The following HSD17B2 variants were observed in gnomAD, a reference collection of about 807,000 sequenced individuals.
HSD17B2 encodes the protein hydroxysteroid 17-beta dehydrogenase 2, also known as 17-beta-hydroxysteroid dehydrogenase type 2.
In HSD17B2, 32 loss-of-function variants were observed where a neutral mutation model predicts 26.9. The observed-to-expected ratio is 1.19, with a 90% CI of 0.90 to 1.60. The LOEUF (loss-of-function observed/expected upper bound fraction) is 1.60, where lower values mean the gene tolerates loss of function less well. Ranked by LOEUF, HSD17B2 falls within the 40% of genes most tolerant of loss-of-function variation. HSD17B2 has a pLI of 0.00. For synonymous variants in HSD17B2, 246 were observed against 186.7 expected (o/e 1.32, Z -2.59); for missense variants, 613 against 468.6 (o/e 1.31, Z -2.85).
chr16:82,039,661 C>T (rs1007493892), intron 1 of HSD17B2, among the ~76,000 whole-genome samples: 12 of 152,198 alleles, frequency 7.9e-5, no homozygotes, highest in South Asian at 2.1e-4. Flanking sequence ...TGAGGTTACA[C>T]GTTGTCCTTC....
intron 1 of HSD17B2, among the ~76,000 whole-genome samples, chr16:82,036,463 A>C (rs1354069644): frequency 6.6e-6 from 1 of 151,816 alleles, no homozygotes; most frequent in African/African-American, 2.4e-5. Context: ...AATTAGGATT[A>C]TCCAGCGTTA....
At chr16:82,036,471 T>C (rs1461649011) in intron 1 of HSD17B2, among the ~76,000 whole-genome samples, 3 of 151,812 alleles carry the variant, frequency 2.0e-5, no homozygotes, top group Non-Finnish European at 2.9e-5. Context: ...TTATCCAGCG[T>C]TATCCTAACC....
At chr16:82,066,813 T>C (rs1318702285) in intron 1 of HSD17B2, among the ~76,000 whole-genome samples, 2 of 152,242 alleles carry the variant, frequency 1.3e-5, no homozygotes. Context: ...TGTCAATAGT[T>C]CTATTCCATC....
At chr16:82,037,336 A>T (rs1009933346) in intron 1 of HSD17B2, among the ~76,000 whole-genome samples, 5 of 152,226 alleles carry the variant, frequency 3.3e-5, no homozygotes, top group African/African-American at 1.2e-4. Context: ...AGGCCTCAAG[A>T]CCTTTGTATG....
chr16:82,035,807 C>G (rs898505515), intron 1 of HSD17B2, 118 bp downstream of exon 1: 1 of 1,075,646 alleles, frequency 9.3e-7, no homozygotes, highest in Non-Finnish European at 1.3e-6. Context: ...TAAATGAAAG[C>G]CCTCACCCAA....
Position 82,035,385 on chromosome 16 carries a change from A to G in HSD17B2, c.-40A>G. 3 of 1,585,500 alleles carry G rather than the reference A, an allele frequency of 1.9e-6. No individual in the cohort carries two copies. The highest frequency in any genetic ancestry group is 2.6e-6 in the Non-Finnish European group (3 of 1,163,550). ...CAGCCAGCCTTTGCCCGCTAGACTC[A>G]CTGGCCCTGAGCACTTGAAGGTGCA... On this transcript the variant is annotated 5_prime_UTR_variant, in exon 1 of 5. Transcript: ENST00000199936.
intron 4 of HSD17B2, chr16:82,093,709 A>G (rs1384022121): frequency 2.6e-5 from 4 of 152,232 alleles, no homozygotes; most frequent in Admixed American, 6.5e-5. Context: ...TCTGTAGAGT[A>G]AAGTGAAAGC....
chr16:82,079,256 A>C (rs1904324497), intron 3 of HSD17B2, among the ~76,000 whole-genome samples: 1 of 152,246 alleles, frequency 6.6e-6, no homozygotes, highest in Non-Finnish European at 1.5e-5. Context: ...CCATAAGAAA[A>C]TACCACAGAC....
chr16:82,096,040 T>G (rs1016077779), intron 4 of HSD17B2: 1 of 152,136 alleles, frequency 6.6e-6, no homozygotes, highest in Non-Finnish European at 1.5e-5. Flanking sequence ...GTAAATAAAT[T>G]ATTTAATTTT....
At chr16:82,088,949 TGAGAGA>T (rs1453542158) in intron 3 of HSD17B2, among the ~76,000 whole-genome samples, 1 of 152,186 alleles carries the variant, frequency 6.6e-6, no homozygotes, top group African/African-American at 2.4e-5. Flanking sequence ...ACCAATTGTC[TGAGAGA>T]AAGAATAAAT....
At chr16:82,048,006 C>G (rs893561536) in intron 1 of HSD17B2, among the ~76,000 whole-genome samples, 1 of 152,168 alleles carries the variant, frequency 6.6e-6, no homozygotes, top group African/African-American at 2.4e-5. Context: ...AATATTATAT[C>G]TTTTGTTTGA....
At chr16:82,090,305 T>TTG in intron 3 of HSD17B2, 1 of 158,120 alleles carries the variant, frequency 6.3e-6, no homozygotes, top group Non-Finnish European at 8.8e-6. Context: ...CTACATTGTT[T>TTG]TTTTTTTTTT....
intron 1 of HSD17B2, among the ~76,000 whole-genome samples, chr16:82,041,418 G>T (rs564164723): frequency 3.7e-4 from 57 of 152,326 alleles, no homozygotes; most frequent in African/African-American, 1.2e-3. Context: ...GAGTGACATG[G>T]CTGAGCTGTT....
intron 1 of HSD17B2, among the ~76,000 whole-genome samples, chr16:82,040,669 A>G (rs1294493780): frequency 2.0e-5 from 3 of 152,200 alleles, no homozygotes; most frequent in African/African-American, 7.2e-5. Context: ...TTGGCAATTG[A>G]TTGGGTGTAG....
intron 4 of HSD17B2, chr16:82,091,312 T>A: frequency 2.2e-6 from 1 of 459,128 alleles, no homozygotes; most frequent in Non-Finnish European, 4.0e-6. Context: ...GTCAGATTAG[T>A]GAAAAAGTAC....
intron 1 of HSD17B2, among the ~76,000 whole-genome samples, chr16:82,061,812 T>G (rs1914446380): frequency 6.6e-6 from 1 of 152,228 alleles, no homozygotes; most frequent in Non-Finnish European, 1.5e-5. Flanking sequence ...GTATGATGTT[T>G]TATTAATGAC....
Position 82,077,736 on chromosome 16 carries a change from AAAGAAAGAAAG to A in HSD17B2, c.664+6623_664+6633del, listed in dbSNP as rs746574121. Among the ~76,000 whole-genome samples the A allele has an allele frequency of 2.7e-5, 4 of 150,742 alleles. No homozygotes were observed. The Admixed American group carries it at 2.7e-4, about 10-fold the overall frequency. On this transcript the variant is annotated intron_variant, in intron 3 of 4. Coordinates refer to ENST00000199936, the MANE Select transcript of HSD17B2 (RefSeq NM_002153.3). ...ACAGAGTGAGACCCTGTTTCAAAAGAAAGAAAGAAAGAAGAAAGAAAGAAAAGAAAGAAAGA... is the reference window on the plus strand; with the variant it reads ...ACAGAGTGAGACCCTGTTTCAAAAGAAAGAAAGAAAGAAAAGAAAGAAAGA...
intron 3 of HSD17B2, among the ~76,000 whole-genome samples, chr16:82,077,572 T>C (rs1013662411): frequency 6.6e-6 from 1 of 151,742 alleles, no homozygotes; most frequent in Non-Finnish European, 1.5e-5. Context: ...CTACAAAAAA[T>C]ACAAAAAATT....
chr16:82,068,161 C>A lies in HSD17B2; in HGVS notation c.266-9C>A. ...TGACCTCACTCCCTACTCCCCTGAC[C>A]CTATGCAGGTGGTGATTGCGGGCTT... On this transcript the variant is annotated splice_polypyrimidine_tract_variant and intron_variant, in intron 1 of 4. Coordinates refer to ENST00000199936, the MANE Select transcript of HSD17B2 (RefSeq NM_002153.3). 6.2e-7 allele frequency: 1 copy of A among 1,613,320 alleles called. No homozygotes were observed. The highest frequency in any genetic ancestry group is 8.5e-7 in the Non-Finnish European group (1 of 1,179,370).
Sources: gnomAD v4.1 joint callset for allele counts (sites outside exome capture counted in the v4.1 genomes callset) on GRCh38, gnomAD v4.1.1 for gene constraint, MANE v1.5 for transcripts, NCBI Gene and HGNC (gene_info 2026-07-23, HGNC 2026-07-21) for gene names.